The following SHROOM3 variants were observed in gnomAD, a reference collection of about 807,000 sequenced individuals.
The protein encoded by SHROOM3 is shroom family member 3.
A neutral mutation model predicts 138.6 loss-of-function variants in SHROOM3; 47 were observed. That is an observed-to-expected ratio of 0.34 (90% confidence interval 0.27 to 0.43). The LOEUF (loss-of-function observed/expected upper bound fraction) is 0.43. SHROOM3 is among the 20% of genes least tolerant of loss of function. The pLI, the probability that SHROOM3 is intolerant of heterozygous loss-of-function variation, is 1.00. For missense variants in SHROOM3, 2,491 were observed against 2,596.5 expected (o/e 0.96, Z 0.88); for synonymous variants, 1,062 against 1,063.3 (o/e 1.00, Z 0.02).
intron 3 of SHROOM3, among the ~76,000 whole-genome samples, chr4:76,729,429 A>C (rs995374266): frequency 3.3e-5 from 5 of 152,202 alleles, no homozygotes; most frequent in Admixed American, 3.3e-4. Context: ...TGAAAAAAAA[A>C]AATTTGTGTA....
intron 2 of SHROOM3, among the ~76,000 whole-genome samples, chr4:76,598,880 C>T (rs1233506440): frequency 6.6e-6 from 1 of 152,054 alleles, no homozygotes; most frequent in Non-Finnish European, 1.5e-5. Context: ...ATTCTGGCTG[C>T]ATTTTGGGAG....
chr4:76,614,925 G>C (rs1478007619), intron 2 of SHROOM3, among the ~76,000 whole-genome samples: 2 of 152,214 alleles, frequency 1.3e-5, no homozygotes, highest in African/African-American at 4.8e-5. Context: ...AATGAGTCCA[G>C]ATGGTTTTCT....
rs768566166 is a variant in SHROOM3, at chr4:76,754,617, C to T, written c.4134C>T (p.Leu1378=). ...ACGGTCAGACAGGGCGACAGCCTCT[C>T]CCGCCCTACACCCCTGCCATGATGC... is the stretch of plus-strand genomic sequence containing the variant. ...SQDGQTGRQP[L]PPYTPAMMHR... The change falls in exon 7 of 11, where the codon CTC becomes CTT. Residue 1378 remains leucine, a synonymous_variant. Coordinates refer to ENST00000296043, the MANE Select transcript of SHROOM3 (RefSeq NM_020859.4). The T allele has an allele frequency of 8.1e-6, 13 of 1,614,212 alleles. No homozygotes were observed. Among genetic ancestry groups the T allele is most frequent in the Non-Finnish European group, 1.1e-5 (13 of 1,180,028 alleles).
At position 76,740,726 on chromosome 4, in the gene SHROOM3, G is replaced by C; in HGVS notation, c.2553G>C (p.Gly851=). Residue 851 remains glycine (G), a synonymous_variant, in exon 5 of 11, where the codon GGG becomes GGC. Coordinates refer to ENST00000296043, the MANE Select transcript of SHROOM3 (RefSeq NM_020859.4). The surrounding 1 kb of genome is among the most constrained non-coding windows in gnomAD (Gnocchi z 4.0). ...ACGGGGAGCAGCACTTCAAAAACGGGGAGCTGAAGTTGGAAGAGGCTTCCC... is the reference window on the plus strand; with the variant it reads ...ACGGGGAGCAGCACTTCAAAAACGGCGAGCTGAAGTTGGAAGAGGCTTCCC... ...LGNGEQHFKN[G]ELKLEEASRQ... 6.2e-7 allele frequency: 1 copy of C among 1,613,504 alleles called. No homozygotes were observed. Among genetic ancestry groups the C allele is most frequent in the Non-Finnish European group, 8.5e-7 (1 of 1,180,016 alleles).
chr4:76,626,722 T>A (rs557630985), intron 2 of SHROOM3, among the ~76,000 whole-genome samples: 10 of 152,142 alleles, frequency 6.6e-5, no homozygotes, highest in Non-Finnish European at 1.3e-4. Flanking sequence ...CTCAGAGAGG[T>A]GAAACACCTT....
At chr4:76,471,366 C>T (rs1731367472) in intron 1 of SHROOM3, among the ~76,000 whole-genome samples, 1 of 151,880 alleles carries the variant, frequency 6.6e-6, no homozygotes, top group Non-Finnish European at 1.5e-5. Context: ...GCCTCAGCCT[C>T]CTGAGTAGCT....
At chr4:76,716,197 C>T in intron 3 of SHROOM3, 1 of 439,858 alleles carries the variant, frequency 2.3e-6, no homozygotes, top group Non-Finnish European at 4.5e-6. Context: ...AGGGGACTGG[C>T]ATTGAGAGTC....
chr4:76,764,733 C>T (rs1002439447), intron 9 of SHROOM3, among the ~76,000 whole-genome samples: 9 of 152,140 alleles, frequency 5.9e-5, no homozygotes, highest in African/African-American at 1.9e-4. Context: ...AATATTGGCT[C>T]CTCCTGTATG....
At chr4:76,768,620 C>T (rs1011361474) in intron 9 of SHROOM3, among the ~76,000 whole-genome samples, 2 of 151,668 alleles carry the variant, frequency 1.3e-5, no homozygotes, top group African/African-American at 2.4e-5. Context: ...AAGCGATTCT[C>T]CTGCCTCAGC....
At chr4:76,709,600 G>C (rs1229581111) in intron 2 of SHROOM3, among the ~76,000 whole-genome samples, 1 of 152,190 alleles carries the variant, frequency 6.6e-6, no homozygotes, top group African/African-American at 2.4e-5. Flanking sequence ...CACACAAAAG[G>C]CTTGCCTCCC....
intron 1 of SHROOM3, among the ~76,000 whole-genome samples, chr4:76,444,923 C>A (rs544169816): frequency 1.9e-4 from 29 of 151,124 alleles, no homozygotes; most frequent in African/African-American, 6.8e-4. Flanking sequence ...ATGGCAAAAC[C>A]CTGTCTCTAC....
At chr4:76,499,002 C>T (rs980942802) in intron 1 of SHROOM3, among the ~76,000 whole-genome samples, 9 of 152,192 alleles carry the variant, frequency 5.9e-5, no homozygotes, top group Non-Finnish European at 1.3e-4. Context: ...GTAATCAGCA[C>T]AGGCACATGA....
At chr4:76,710,838 G>A (rs144991500) in intron 3 of SHROOM3, among the ~76,000 whole-genome samples, 194 of 152,106 alleles carry the variant, frequency 1.3e-3, no homozygotes, top group African/African-American at 4.4e-3. Context: ...GCTTTGCACG[G>A]GCTATCTCAT....
chr4:76,578,415 T>A (rs1445462950), intron 2 of SHROOM3, among the ~76,000 whole-genome samples: 1 of 152,200 alleles, frequency 6.6e-6, no homozygotes, highest in Non-Finnish European at 1.5e-5. Flanking sequence ...ATGGTAGTTA[T>A]CAGAAAGAAG....
chr4:76,582,081 A>T (rs1207343335), intron 2 of SHROOM3, among the ~76,000 whole-genome samples: 1 of 152,222 alleles, frequency 6.6e-6, no homozygotes, highest in Admixed American at 6.5e-5. Flanking sequence ...CCATGATAAA[A>T]ATCAAAAACC....
At chr4:76,698,038 T>C (rs1719796788) in intron 2 of SHROOM3, among the ~76,000 whole-genome samples, 1 of 152,204 alleles carries the variant, frequency 6.6e-6, no homozygotes, top group Non-Finnish European at 1.5e-5. Context: ...AAACCATTAC[T>C]TTTCCACAAA....
At chr4:76,552,037 A>ATAT (rs113901271) in intron 1 of SHROOM3, among the ~76,000 whole-genome samples, 2 of 144,180 alleles carry the variant, frequency 1.4e-5, no homozygotes, top group African/African-American at 2.6e-5. Context: ...AATTTTTTGT[A>ATAT]TCTTTAGTAG....
At chr4:76,603,296 T>A (rs1202087803) in intron 2 of SHROOM3, among the ~76,000 whole-genome samples, 1 of 152,132 alleles carries the variant, frequency 6.6e-6, no homozygotes, top group Non-Finnish European at 1.5e-5. Flanking sequence ...CACGCACCTG[T>A]AGTCCCAGCT....
intron 2 of SHROOM3, among the ~76,000 whole-genome samples, chr4:76,573,381 CAATAAT>C (rs6148528): frequency 0.33 from 46,582 of 140,598 alleles, 8,012 homozygotes; most frequent in South Asian, 0.42. Context: ...TGCTGGTTGG[CAATAAT>C]AATAATAATA....
Sources: gnomAD v4.1 joint callset for allele counts (sites outside exome capture counted in the v4.1 genomes callset) on GRCh38, gnomAD v4.1.1 for gene constraint, Gnocchi (gnomAD v3.1) non-coding constraint, MANE v1.5 for transcripts, NCBI Gene and HGNC (gene_info 2026-07-23, HGNC 2026-07-21) for gene names.